Variants in EXOC6B observed in about 807,000 individuals in gnomAD.
The protein encoded by EXOC6B is exocyst complex component 6B.
Under a neutral mutation model 113.5 loss-of-function variants are expected in EXOC6B, and 54 were observed. The observed-to-expected ratio is 0.48, with a 90% confidence interval of 0.38 to 0.60. The LOEUF is 0.60. Among genes scored for constraint, EXOC6B ranks in the 20% least tolerant of loss-of-function variants. EXOC6B has a pLI of 0.00. For synonymous variants in EXOC6B, 357 were observed against 339.0 expected, an observed-to-expected ratio of 1.05 and a Z score of -0.58; for missense variants, 797 against 977.5, an observed-to-expected ratio of 0.82 and a Z score of 2.46.
intron 8 of EXOC6B, 36 bp downstream of exon 8, chr2:72,559,417 G>C: frequency 7.0e-7 from 1 of 1,424,134 alleles, no homozygotes; most frequent in South Asian, 1.6e-5. Flanking sequence ...GAACTCAATG[G>C]ACATCTTTAT....
intron 4 of EXOC6B, 21 bp downstream of exon 4, chr2:72,731,134 T>A: frequency 6.2e-7 from 1 of 1,603,366 alleles, no homozygotes; most frequent in Non-Finnish European, 8.5e-7. Flanking sequence ...CAAGAATCCT[T>A]CTCCATTTCC....
rs550921025 is a variant in EXOC6B, at chr2:72,519,156, GT to G, written c.916-4031del. On this transcript the variant is annotated intron_variant, in intron 8 of 21. Coordinates refer to ENST00000272427, the MANE Select transcript of EXOC6B (RefSeq NM_015189.3). ...TCATTCAACAGACATGTGCAGAGGG[GT>G]GAAAAATTTGAGTTGCCTAATGCAC... Among the ~76,000 whole-genome samples, 282 of 152,286 alleles carry G rather than the reference GT, an allele frequency of 1.9e-3. 2 individuals carry two copies. Among genetic ancestry groups the G allele is most frequent in the African/African-American group, 5.7e-3 (238 of 41,570 alleles).
chr2:72,620,895 G>GA (rs1671702454), intron 6 of EXOC6B, among the ~76,000 whole-genome samples: 1 of 151,760 alleles, frequency 6.6e-6, no homozygotes, highest in Admixed American at 6.6e-5. Flanking sequence ...ACAAAAATAT[G>GA]AAAAAAATGC....
chr2:72,728,458 C>T (rs935874189), intron 5 of EXOC6B, among the ~76,000 whole-genome samples: 1 of 152,134 alleles, frequency 6.6e-6, no homozygotes, highest in Non-Finnish European at 1.5e-5. Context: ...CTACTGGAAA[C>T]ATACCAAATG....
intron 16 of EXOC6B, among the ~76,000 whole-genome samples, chr2:72,484,325 G>A (rs555303792): frequency 5.3e-5 from 8 of 151,052 alleles, no homozygotes; most frequent in African/African-American, 1.5e-4. Context: ...TTGGGAGGCC[G>A]AGACGGGCGG....
rs369799393 is a variant in EXOC6B, at chr2:72,707,499, C to T, written c.669+10604G>A. Among the ~76,000 whole-genome samples, 66 of 151,690 alleles carry T rather than the reference C, an allele frequency of 4.4e-4. 1 individual carries two copies. In the East Asian group the frequency reaches 0.011, roughly 25 times the overall value. On this transcript the variant is annotated intron_variant, in intron 6 of 21. Coordinates refer to ENST00000272427, the MANE Select transcript of EXOC6B (RefSeq NM_015189.3). ...TGTGATCTCAGCTCACTGCAACCTC[C>T]GCCTCCCAGGTTCAAGCGATTCTCC...
At chr2:72,822,810 A>G (rs893321397) in intron 1 of EXOC6B, among the ~76,000 whole-genome samples, 2 of 152,200 alleles carry the variant, frequency 1.3e-5, no homozygotes, top group Non-Finnish European at 2.9e-5. Flanking sequence ...AGATGAAGAA[A>G]GAGGAAAGAC....
At chr2:72,437,504 C>T (rs1695950166) in intron 18 of EXOC6B, among the ~76,000 whole-genome samples, 1 of 152,166 alleles carries the variant, frequency 6.6e-6, no homozygotes, top group Admixed American at 6.5e-5. Context: ...CCACAGCCGC[C>T]CCTTCCCCCA....
chr2:72,359,324 GA>G (rs1690160549), intron 19 of EXOC6B, among the ~76,000 whole-genome samples: 1 of 152,120 alleles, frequency 6.6e-6, no homozygotes, highest in South Asian at 2.1e-4. Flanking sequence ...AGGAATGGAG[GA>G]AACTAGCTAG....
intron 19 of EXOC6B, among the ~76,000 whole-genome samples, chr2:72,345,147 A>T (rs1177834508): frequency 6.6e-6 from 1 of 152,174 alleles, no homozygotes; most frequent in Non-Finnish European, 1.5e-5. Flanking sequence ...AGTTAACCAC[A>T]CTTTAATGTC....
At chr2:72,570,892 G>T (rs1042953840) in intron 7 of EXOC6B, among the ~76,000 whole-genome samples, 1 of 152,092 alleles carries the variant, frequency 6.6e-6, no homozygotes, top group East Asian at 1.9e-4. Flanking sequence ...AAAGCACATG[G>T]TCATAATGCC....
At chr2:72,240,464 T>C (rs1230313315) in intron 20 of EXOC6B, among the ~76,000 whole-genome samples, 1 of 152,190 alleles carries the variant, frequency 6.6e-6, no homozygotes, top group Non-Finnish European at 1.5e-5. Flanking sequence ...AAATGTATAG[T>C]GCTTTAACTG....
chr2:72,232,753 A>G (rs1301338687), intron 20 of EXOC6B, among the ~76,000 whole-genome samples: 2 of 152,220 alleles, frequency 1.3e-5, no homozygotes, highest in Non-Finnish European at 2.9e-5. Context: ...CAAAATGTCC[A>G]TAAGAAATAT....
chr2:72,203,171 T>C (rs1248372240), intron 20 of EXOC6B, among the ~76,000 whole-genome samples: 1 of 152,250 alleles, frequency 6.6e-6, no homozygotes, highest in African/African-American at 2.4e-5. Flanking sequence ...ACACTTGCTG[T>C]TCTGATTTAC....
intron 17 of EXOC6B, among the ~76,000 whole-genome samples, chr2:72,467,732 G>C (rs1698141518): frequency 6.6e-6 from 1 of 151,640 alleles, no homozygotes; most frequent in African/African-American, 2.4e-5. Context: ...TGCATGCCTT[G>C]TCAGCTGTAT....
chr2:72,640,070 T>G (rs903590408), intron 6 of EXOC6B, among the ~76,000 whole-genome samples: 3 of 152,230 alleles, frequency 2.0e-5, no homozygotes, highest in African/African-American at 7.2e-5. Context: ...ATGAAGATCA[T>G]TGAGCTACAG....
rs191883237 is a variant in EXOC6B at position 72,591,547 on chromosome 2, A to G, written c.670-15879T>C. 6.4e-3 allele frequency among the ~76,000 whole-genome samples: 982 copies of G among 152,288 alleles called. 6 individuals carry two copies. The highest frequency in any genetic ancestry group is 9.9e-3 in the Non-Finnish European group (676 of 67,984). On this transcript the variant is annotated intron_variant, in intron 6 of 21. Coordinates refer to ENST00000272427, the MANE Select transcript of EXOC6B (RefSeq NM_015189.3). Reference sequence around the variant, plus strand: ...CAAAACGGCTCAAGGCTAGAGACCCATTTGAAACTTTTAAAATCTTCCTAA... The same window carrying G: ...CAAAACGGCTCAAGGCTAGAGACCCGTTTGAAACTTTTAAAATCTTCCTAA...
rs139254617 is a variant in EXOC6B, at chr2:72,312,613, G to A, written c.2196+22334C>T. On this transcript the variant is annotated intron_variant, in intron 20 of 21. Transcript: ENST00000272427. ...TCAAAGTGAAATACAAAAATTAGCC[G>A]GGTGTGGTGGTGGGCGCCTATAATC... is the stretch of plus-strand genomic sequence containing the variant. Among the ~76,000 whole-genome samples, 198 of 151,852 alleles carry A rather than the reference G, an allele frequency of 1.3e-3. 1 individual carries two copies. Among genetic ancestry groups the A allele is most frequent in the East Asian group, 0.011 (57 of 5,154 alleles).
chr2:72,822,588 CA>C (rs1264555245), intron 1 of EXOC6B, among the ~76,000 whole-genome samples: 2 of 152,012 alleles, frequency 1.3e-5, no homozygotes, highest in African/African-American at 4.8e-5. Flanking sequence ...AGAAAGAAAG[CA>C]AGTAATGATA....
Sources: gnomAD v4.1 joint callset for allele counts (sites outside exome capture counted in the v4.1 genomes callset) on GRCh38, gnomAD v4.1.1 for gene constraint, MANE v1.5 for transcripts, NCBI Gene and HGNC (gene_info 2026-07-23, HGNC 2026-07-21) for gene names.